The following IQSEC1 variants were observed in gnomAD, a reference collection of about 807,000 sequenced individuals.
IQSEC1 encodes IQ motif and Sec7 domain ArfGEF 1.
Under a neutral mutation model 91.0 loss-of-function variants are expected in IQSEC1, and 31 were observed. The observed-to-expected ratio is 0.34, with a 90% CI of 0.26 to 0.46. The LOEUF (loss-of-function observed/expected upper bound fraction) is 0.46, where lower values mean the gene tolerates loss of function less well. Ranked by LOEUF, IQSEC1 falls within the 20% of genes least tolerant of loss-of-function variation. The pLI is 1.00. For synonymous variants in IQSEC1, 699 were observed against 662.6 expected (o/e 1.05, Z -0.84); for missense variants, 1,388 against 1,575.6 (o/e 0.88, Z 2.02).
At chr3:13,248,727 C>T (rs950415610) in intron 1 of IQSEC1, among the ~76,000 whole-genome samples, 3 of 138,450 alleles carry the variant, frequency 2.2e-5, no homozygotes, top group East Asian at 2.0e-4. Flanking sequence ...TTACTAATCA[C>T]GTCGTACAGA....
chr3:13,214,810 C>A lies in IQSEC1; in HGVS notation c.273-50677G>T, dbSNP rs1694513929. On this transcript the variant is annotated intron_variant, in intron 1 of 15. Coordinates refer to the IQSEC1 transcript ENST00000648114. The surrounding 1 kb of genome is among the most constrained non-coding windows in gnomAD (Gnocchi z 4.5). ...GTGTGCGGCACCTGGCATTCTGGAA[C>A]TTCTCTTTCTGTGTAAAGAGCAAGA... 6.6e-6 allele frequency among the ~76,000 whole-genome samples: 1 copy of A among 152,246 alleles called. No individual in the cohort carries two copies. The highest frequency in any genetic ancestry group is 1.5e-5 in the Non-Finnish European group (1 of 68,038).
At chr3:13,086,696 G>A (rs1273245881) in intron 2 of IQSEC1, among the ~76,000 whole-genome samples, 2 of 152,158 alleles carry the variant, frequency 1.3e-5, no homozygotes, top group African/African-American at 4.8e-5. Flanking sequence ...TGCATCTGCT[G>A]TTCCCTCCCT....
rs756132332 is a variant in IQSEC1, at chr3:12,915,658, T to C, written c.2096A>G (p.Lys699Arg). The change falls in exon 7 of 14, where the codon AAG becomes AGG. Residue 699 changes from lysine (K) to arginine (R), a missense_variant. Lys to Arg is a conservative substitution (Grantham distance 26). This residue lies in a region of IQSEC1 where 1,059 missense variants were observed against 1,317.8 expected (regional missense o/e 0.80). Transcript: ENST00000613206. ...IYERIRKREL[K>R]TNEDHVSQVQ... ...CTGGGACACATGGTCCTCATTGGTC[T>C]TTAGCTCTCGCTTACGGATCCGTTC... The C allele has an allele frequency of 6.2e-7, 1 of 1,614,032 alleles. No individual in the cohort carries two copies. Among genetic ancestry groups the C allele is most frequent in the African/African-American group, 1.3e-5 (1 of 74,910 alleles).
intron 1 of IQSEC1, among the ~76,000 whole-genome samples, chr3:13,231,044 C>T (rs1559282005): frequency 6.6e-6 from 1 of 152,106 alleles, no homozygotes; most frequent in Non-Finnish European, 1.5e-5. Context: ...ATGATTTTAC[C>T]ATAAATTTGA....
intron 3 of IQSEC1, among the ~76,000 whole-genome samples, chr3:12,928,397 G>A (rs935613971): frequency 5.9e-5 from 9 of 152,232 alleles, no homozygotes; most frequent in African/African-American, 1.2e-4. Context: ...GGCCTAGGCC[G>A]GTGATGAAGA....
At chr3:13,073,638 G>C (rs1206521305), upstream of IQSEC1, among the ~76,000 whole-genome samples, 1 of 152,382 alleles carries the variant, frequency 6.6e-6, no homozygotes, top group South Asian at 2.1e-4. Flanking sequence ...TGGAAACCTG[G>C]AAGTCTGTTG....
At chr3:13,107,849 G>A (rs182597224) in intron 2 of IQSEC1, among the ~76,000 whole-genome samples, 20 of 152,292 alleles carry the variant, frequency 1.3e-4, no homozygotes, top group East Asian at 7.7e-4. Flanking sequence ...TGTCCGGAAC[G>A]CCCAGCGGCC....
Position 12,941,635 on chromosome 3 carries a change from G to T in IQSEC1, c.254C>A (p.Ala85Asp). ...GGAGAGTGAGCGTGAGCGCTTGATG[G>T]CCTCCTCCTCAGCCTGCTTGCGCAG... is the stretch of plus-strand genomic sequence containing the variant. ...SILRKQAEEE[A>D]IKRSRSLSES... Residue 85 changes from alanine (A) to aspartate (D), a missense_variant, in exon 2 of 14, where the codon GCC becomes GAC. This residue lies in a region of IQSEC1 where 1,059 missense variants were observed against 1,317.8 expected (regional missense o/e 0.80). Coordinates refer to ENST00000613206, the MANE Select transcript of IQSEC1 (RefSeq NM_001134382.3). 3.1e-6 allele frequency: 5 copies of T among 1,611,910 alleles called. No homozygotes were observed. The highest frequency in any genetic ancestry group is 4.2e-6 in the Non-Finnish European group (5 of 1,179,246).
intron 1 of IQSEC1, among the ~76,000 whole-genome samples, chr3:13,044,092 C>T (rs774996765): frequency 3.3e-5 from 5 of 152,218 alleles, no homozygotes; most frequent in Non-Finnish European, 7.3e-5. Flanking sequence ...GAACCAGAGG[C>T]CTGATCTCAC....
intron 1 of IQSEC1, among the ~76,000 whole-genome samples, chr3:13,002,923 TC>T (rs1219057483): frequency 6.6e-6 from 1 of 152,270 alleles, no homozygotes; most frequent in Non-Finnish European, 1.5e-5. Context: ...TTTGGCCATT[TC>T]TAAAAAGTTA....
intron 1 of IQSEC1, among the ~76,000 whole-genome samples, chr3:13,243,956 C>T (rs1576308174): frequency 6.6e-6 from 1 of 152,374 alleles, no homozygotes; most frequent in South Asian, 2.1e-4. Context: ...CAGATGGCCA[C>T]AAAAGCAGTT....
At chr3:13,165,578 G>GTGTGTC (rs1377649445) in intron 1 of IQSEC1, among the ~76,000 whole-genome samples, 23 of 105,758 alleles carry the variant, frequency 2.2e-4, no homozygotes, top group African/African-American at 5.7e-4. Context: ...GTGTGTGTGT[G>GTGTGTC]TGTCTGTCTG....
chr3:12,926,339 G>A (rs1697132990), intron 3 of IQSEC1, among the ~76,000 whole-genome samples: 1 of 151,726 alleles, frequency 6.6e-6, no homozygotes, highest in African/African-American at 2.4e-5. Context: ...AAGGAGACAG[G>A]CTGGTGTGAG....
In IQSEC1 at chr3:13,211,818, C is replaced by T. The variant is rs1420387195; in HGVS notation, c.273-47685G>A. 6.6e-6 allele frequency among the ~76,000 whole-genome samples: 1 copy of T among 152,232 alleles called. No homozygotes were observed. Among genetic ancestry groups the T allele is most frequent in the Non-Finnish European group, 1.5e-5 (1 of 68,030 alleles). ...AGATGAAATCCCTAAAAGCCCACGG[C>T]AAATGCCGCACCCTCCATGCAGCCC... is the stretch of plus-strand genomic sequence containing the variant. On this transcript the variant is annotated intron_variant, in intron 1 of 15. Transcript: ENST00000648114. The surrounding 1 kb of genome is among the most constrained non-coding windows in gnomAD (Gnocchi z 5.3).
chr3:13,131,740 G>A lies in IQSEC1; in HGVS notation c.302+32364C>T, dbSNP rs924081679. ...GACCTCAGGTGATCCGCCTGCATCAGCCCCACAAAGTGCAAGGATTATAGG... is the reference window on the plus strand; with the variant it reads ...GACCTCAGGTGATCCGCCTGCATCAACCCCACAAAGTGCAAGGATTATAGG... On this transcript the variant is annotated intron_variant, in intron 2 of 15. Transcript: ENST00000648114. Among the ~76,000 whole-genome samples the A allele has an allele frequency of 9.9e-5, 15 of 152,122 alleles. 1 individual carries two copies. Among genetic ancestry groups the A allele is most frequent in the Admixed American group, 2.0e-4 (3 of 15,268 alleles).
intron 1 of IQSEC1, among the ~76,000 whole-genome samples, chr3:13,062,935 G>A (rs538338470): frequency 7.0e-4 from 106 of 152,370 alleles, no homozygotes; most frequent in African/African-American, 2.4e-3. Flanking sequence ...TGAGCCACAG[G>A]GGTTGCTCTG....
chr3:12,938,670 G>A (rs1698460684), intron 2 of IQSEC1, among the ~76,000 whole-genome samples: 2 of 152,072 alleles, frequency 1.3e-5, no homozygotes, highest in African/African-American at 4.8e-5. Flanking sequence ...TGGGATCTAG[G>A]AAGCCTTTCT....
At chr3:13,168,818 G>T (rs1693548911) in intron 1 of IQSEC1, among the ~76,000 whole-genome samples, 1 of 152,100 alleles carries the variant, frequency 6.6e-6, no homozygotes, top group South Asian at 2.1e-4. Flanking sequence ...AGGCCTTCCT[G>T]GTATCCCTCC....
intron 1 of IQSEC1, among the ~76,000 whole-genome samples, chr3:13,269,211 T>G (rs1257464984): frequency 4.6e-5 from 7 of 152,130 alleles, no homozygotes; most frequent in Non-Finnish European, 8.8e-5. Flanking sequence ...AGGCCAACAC[T>G]CCTGCCCTCA....
Sources: gnomAD v4.1 joint callset for allele counts (sites outside exome capture counted in the v4.1 genomes callset) on GRCh38, gnomAD v4.1.1 for gene constraint, gnomAD v4.1.1 regional missense constraint, Gnocchi (gnomAD v3.1) non-coding constraint, MANE v1.5 for transcripts, NCBI Gene and HGNC (gene_info 2026-07-23, HGNC 2026-07-21) for gene names.